The following NOL4 variants were observed in gnomAD, a reference collection of about 807,000 sequenced individuals.
NOL4 encodes cancer/testis antigen 125.
Under a neutral mutation model 75.9 loss-of-function variants are expected in NOL4, and 17 were observed. The ratio of observed to expected loss-of-function variants is 0.22; its 90% CI spans 0.15 to 0.34. NOL4 has a LOEUF of 0.34. Among genes scored for constraint, NOL4 ranks in the 10% least tolerant of loss-of-function variants. NOL4 has a pLI of 1.00. For synonymous variants in NOL4, 292 were observed against 289.9 expected, an observed-to-expected ratio of 1.01 and a Z score of -0.07; for missense variants, 614 against 793.5, an observed-to-expected ratio of 0.77 and a Z score of 2.72.
intron 9 of NOL4, among the ~76,000 whole-genome samples, chr18:33,941,920 C>T (rs1477524492): frequency 6.6e-6 from 1 of 151,906 alleles, no homozygotes; most frequent in Admixed American, 6.6e-5. Context: ...TGTGAATCAA[C>T]ACTGGTGGCA....
At chr18:33,922,482 C>A (rs182947956) in intron 9 of NOL4, among the ~76,000 whole-genome samples, 22 of 152,254 alleles carry the variant, frequency 1.4e-4, no homozygotes, top group African/African-American at 5.1e-4. Flanking sequence ...AACCAGATTT[C>A]CCATTTCTAA....
intron 6 of NOL4, among the ~76,000 whole-genome samples, chr18:33,982,481 G>A (rs920403313): frequency 1.3e-5 from 2 of 152,118 alleles, no homozygotes; most frequent in African/African-American, 4.8e-5. Flanking sequence ...ATTACTTAAT[G>A]ATAAATGGGT....
intron 5 of NOL4, among the ~76,000 whole-genome samples, chr18:34,020,359 G>A (rs1483238296): frequency 6.6e-6 from 1 of 152,078 alleles, no homozygotes; most frequent in Non-Finnish European, 1.5e-5. Context: ...AGAATATCTA[G>A]ATTTGGTAAA....
intron 6 of NOL4, among the ~76,000 whole-genome samples, chr18:34,000,141 T>G (rs2073592460): frequency 1.3e-5 from 2 of 152,134 alleles, no homozygotes; most frequent in Non-Finnish European, 2.9e-5. Flanking sequence ...GTTAGGTAGA[T>G]AACAAATAGT....
chr18:34,154,639 C>T (rs960784197), intron 1 of NOL4, among the ~76,000 whole-genome samples: 3 of 151,632 alleles, frequency 2.0e-5, no homozygotes, highest in Admixed American at 6.6e-5. Flanking sequence ...ACTGCTATAA[C>T]GGTTTCATTC....
At chr18:34,049,835 G>A (rs2076556762) in intron 5 of NOL4, among the ~76,000 whole-genome samples, 1 of 152,110 alleles carries the variant, frequency 6.6e-6, no homozygotes, top group African/African-American at 2.4e-5. Context: ...CTGTCACTCA[G>A]AGGTGTGAGA....
Position 34,012,290 on chromosome 18 carries a change from T to C in NOL4, c.1056+7028A>G, listed in dbSNP as rs139422008. Among the ~76,000 whole-genome samples the C allele has an allele frequency of 4.2e-3, 638 of 152,044 alleles. 3 individuals carry two copies. The highest frequency in any genetic ancestry group is 6.4e-3 in the Non-Finnish European group (436 of 67,914). On this transcript the variant is annotated intron_variant, in intron 6 of 10. Coordinates refer to ENST00000261592, the MANE Select transcript of NOL4 (RefSeq NM_003787.5). Reference sequence around the variant, plus strand: ...ATATAGTTGATTTTACAATCCCTAGTAATGTGGGTATTTATTCATAAAAGC... The same window carrying C: ...ATATAGTTGATTTTACAATCCCTAGCAATGTGGGTATTTATTCATAAAAGC...
At position 34,181,335 on chromosome 18, in the gene NOL4, C is replaced by CAGT. The variant is rs1381032590; in HGVS notation, c.264+41654_264+41655insACT. ...TCACTCTGGTAAATAATAATCTTTT[C>CAGT]CACAAATGGTGCTGTGACTACTAGA... On this transcript the variant is annotated intron_variant, in intron 1 of 10. Transcript: ENST00000261592. Among the ~76,000 whole-genome samples, 9 of 151,530 alleles carry CAGT rather than the reference C, an allele frequency of 5.9e-5. No individual in the cohort carries two copies. In the South Asian group the frequency reaches 1.9e-3, roughly 31 times the overall value.
At chr18:33,899,304 G>A (rs1250936746) in intron 9 of NOL4, among the ~76,000 whole-genome samples, 2 of 152,036 alleles carry the variant, frequency 1.3e-5, no homozygotes, top group East Asian at 1.9e-4. Flanking sequence ...AACATAATAG[G>A]AGCCTGAAAT....
At chr18:34,212,018 T>C (rs2036548259) in intron 1 of NOL4, among the ~76,000 whole-genome samples, 1 of 152,152 alleles carries the variant, frequency 6.6e-6, no homozygotes, top group African/African-American at 2.4e-5. Flanking sequence ...TATTTTCTTG[T>C]AAGTTTTCAA....
At chr18:34,193,114 A>C (rs2035042899) in intron 1 of NOL4, among the ~76,000 whole-genome samples, 1 of 152,174 alleles carries the variant, frequency 6.6e-6, no homozygotes, top group Non-Finnish European at 1.5e-5. Context: ...AATTAACACA[A>C]AATTATTAAA....
intron 8 of NOL4, among the ~76,000 whole-genome samples, chr18:33,955,399 T>C (rs1250122636): frequency 6.6e-6 from 1 of 152,158 alleles, no homozygotes; most frequent in South Asian, 2.1e-4. Context: ...TTAAATCCTC[T>C]AAAAAAACAT....
At chr18:33,972,395 C>T (rs1173053388) in intron 6 of NOL4, among the ~76,000 whole-genome samples, 1 of 152,006 alleles carries the variant, frequency 6.6e-6, no homozygotes, top group Non-Finnish European at 1.5e-5. Context: ...CCGAAAAATG[C>T]ACACCAAAAC....
intron 1 of NOL4, among the ~76,000 whole-genome samples, chr18:34,187,588 C>G (rs2034585369): frequency 6.6e-6 from 1 of 152,072 alleles, no homozygotes; most frequent in East Asian, 1.9e-4. Flanking sequence ...GGGGTTTCAC[C>G]GTGTTAGCCA....
At chr18:34,140,220 T>C (rs1357587399) in intron 1 of NOL4, among the ~76,000 whole-genome samples, 1 of 152,174 alleles carries the variant, frequency 6.6e-6, no homozygotes. Flanking sequence ...CTGAGTTCGA[T>C]TCCTGGATAT....
At chr18:34,078,804 T>C (rs541076249) in intron 5 of NOL4, among the ~76,000 whole-genome samples, 2 of 152,308 alleles carry the variant, frequency 1.3e-5, no homozygotes, top group South Asian at 4.1e-4. Flanking sequence ...TCCAATTTAC[T>C]ACAAGGTATT....
intron 1 of NOL4, among the ~76,000 whole-genome samples, chr18:34,166,272 C>T (rs1412071938): frequency 2.0e-5 from 3 of 151,984 alleles, no homozygotes; most frequent in African/African-American, 7.2e-5. Context: ...AAGTTGGAGT[C>T]AAAGTATTTG....
chr18:33,927,484 C>A (rs150776821), intron 9 of NOL4, among the ~76,000 whole-genome samples: 20 of 152,218 alleles, frequency 1.3e-4, no homozygotes, highest in Admixed American at 5.9e-4. Flanking sequence ...ACAAGTACAG[C>A]CTGTCCTGCA....
chr18:34,209,994 C>A (rs555610080), intron 1 of NOL4, among the ~76,000 whole-genome samples: 81 of 152,260 alleles, frequency 5.3e-4, no homozygotes, highest in South Asian at 4.6e-3. Context: ...AGTTCTATGG[C>A]TGACCAAAAA....
Sources: gnomAD v4.1 joint callset for allele counts (sites outside exome capture counted in the v4.1 genomes callset) on GRCh38, gnomAD v4.1.1 for gene constraint, MANE v1.5 for transcripts, NCBI Gene and HGNC (gene_info 2026-07-23, HGNC 2026-07-21) for gene names.